The following LAMA5 variants were observed in gnomAD, a reference collection of about 807,000 sequenced individuals.
LAMA5 encodes laminin subunit alpha 5.
LAMA5 carries 260 observed loss-of-function variants against 433.4 expected under a neutral mutation model. The ratio of observed to expected loss-of-function variants is 0.60; its 90% confidence interval spans 0.54 to 0.66. The LOEUF is 0.66. Among genes scored for constraint, LAMA5 ranks in the 30% least tolerant of loss-of-function variants. LAMA5 has a pLI of 0.00. For missense variants in LAMA5, 5,378 were observed against 5,258.5 expected (o/e 1.02, Z -0.70); for synonymous variants, 2,620 against 2,226.6 (o/e 1.18, Z -4.97).
At chr20:62,334,429 C>T in intron 21 of LAMA5, 87 bp from the exon 22 acceptor site, 1 of 1,514,718 alleles carries the variant, frequency 6.6e-7, no homozygotes, top group Non-Finnish European at 8.9e-7. Context: ...GAGGGTGAGG[C>T]CTCACGTGGG....
intron 1 of LAMA5, among the ~76,000 whole-genome samples, chr20:62,365,370 C>T (rs755005755): frequency 2.0e-4 from 31 of 152,252 alleles, no homozygotes; most frequent in Non-Finnish European, 3.8e-4. Context: ...GGAAGCCACA[C>T]AGCTGAGGCA....
Position 62,310,007 on chromosome 20 carries a change from G to A in LAMA5, c.10809C>T (p.Gly3603=). 1.2e-6 allele frequency: 2 copies of A among 1,611,220 alleles called. No homozygotes were observed. The highest frequency in any genetic ancestry group is 1.7e-6 in the Non-Finnish European group (2 of 1,179,676). Residue 3603 remains glycine, a synonymous_variant, in exon 78 of 80, where the codon GGC becomes GGT. Transcript: ENST00000252999. ...CCTCACCCGCTAGCCGGTGCCACTG[G>A]CCATCACACAGCACTGAGGGGCGGG... ...SVTRPSVLCD[G]QWHRLAVMKS... is the part of the protein sequence containing the mutation.
intron 77 of LAMA5, 25 bp downstream of exon 77, chr20:62,310,153 G>A (rs1986066530): frequency 1.9e-6 from 3 of 1,612,004 alleles, no homozygotes; most frequent in Non-Finnish European, 2.5e-6. Context: ...ACCCTGCCCT[G>A]GCACGCCACC....
chr20:62,335,358 CCTCCAGGGCACACTCACAGG>C (rs1981383480), intron 18 of LAMA5, 89 bp from the exon 19 acceptor site: 1 of 1,340,022 alleles, frequency 7.5e-7, no homozygotes, highest in Admixed American at 1.9e-5. Flanking sequence ...CCTAACACCC[CCTCCAGGGCACACTCACAGG>C]CTCCAGCACC....
At chr20:62,366,849 C>G (rs1986786691) in intron 1 of LAMA5, 100 bp downstream of exon 1, 2 of 1,225,232 alleles carry the variant, frequency 1.6e-6, no homozygotes, top group Admixed American at 4.2e-5. Context: ...GAGTCCGCAC[C>G]TGGACTCGCC....
At chr20:62,331,599 C>T (rs1292288450) in intron 28 of LAMA5, among the ~76,000 whole-genome samples, 1 of 152,206 alleles carries the variant, frequency 6.6e-6, no homozygotes, top group East Asian at 1.9e-4. Context: ...CCCAGCTCTC[C>T]CAGGACCTGA....
rs200131801 is a variant in LAMA5 at position 62,330,842 on chromosome 20, C to A, written c.3753G>T (p.Ala1251=). The A allele has an allele frequency of 1.3e-6, 2 of 1,542,464 alleles. No individual in the cohort carries two copies. Among genetic ancestry groups the A allele is most frequent in the Non-Finnish European group, 1.7e-6 (2 of 1,143,800 alleles). Residue 1251 remains alanine, a synonymous_variant, in exon 30 of 80, where the codon GCG becomes GCT. Transcript: ENST00000252999. ...PLPPGLPLTH[A]QDLTPAMSPA... ...GGGACATGGCTGGAGTGAGATCCTG[C>A]GCGTGGGTCAGCGGGAGGCCGGGCG...
At chr20:62,319,857 G>A (rs867982653) in intron 50 of LAMA5, 62 bp from the exon 51 acceptor site, 2 of 1,357,300 alleles carry the variant, frequency 1.5e-6, no homozygotes, top group Non-Finnish European at 2.0e-6. Flanking sequence ...TGGCAAGGGA[G>A]GGCCTGGGGT....
Position 62,323,484 on chromosome 20 carries a change from G to A in LAMA5, c.6036C>T (p.Gly2012=). 1 of 1,548,984 alleles carries A rather than the reference G, an allele frequency of 6.5e-7. No individual in the cohort carries two copies. Among genetic ancestry groups the A allele is most frequent in the Non-Finnish European group, 8.7e-7 (1 of 1,148,408 alleles). The change falls in exon 45 of 80, where the codon GGC becomes GGT. Residue 2012 remains glycine (G), a synonymous_variant. Transcript: ENST00000252999. The part of the protein sequence containing the change: ...RCEICAPGFY[G]NALLPGNCTR... ...TGCAGTTGCCGGGCAGCAGGGCGTT[G>A]CCGTAGAAGCCGGGGGCACAGATCT...
chr20:62,330,996 G>A (rs766445409), intron 29 of LAMA5, 36 bp downstream of exon 29: 20 of 1,575,276 alleles, frequency 1.3e-5, no homozygotes, highest in African/African-American at 8.1e-5. Flanking sequence ...CCGGGCCCTC[G>A]GCCGCGCCCC....
In LAMA5 at chr20:62,316,941, C is replaced by A; in HGVS notation, c.7594G>T (p.Val2532Leu). 1.3e-6 allele frequency: 2 copies of A among 1,564,192 alleles called. No homozygotes were observed. Among genetic ancestry groups the A allele is most frequent in the Non-Finnish European group, 1.7e-6 (2 of 1,151,764 alleles). ...SNAYSRILQA[V>L]QAAEDAAGQA... is the part of the protein sequence containing the mutation. ...CCAGCAGCATCCTCGGCAGCCTGCA[C>A]GGCCTGCAGGATGCGGCTGTAGGCG... Residue 2532 changes from valine to leucine, a missense_variant, in exon 56 of 80, where the codon GTG (valine) becomes TTG (leucine). Transcript: ENST00000252999.
At position 62,335,274 on chromosome 20, in the gene LAMA5, G is replaced by A. The variant is rs759585866; in HGVS notation, c.2324-5C>T. 13 of 1,611,982 alleles carry A rather than the reference G, an allele frequency of 8.1e-6. No individual in the cohort carries two copies. The highest frequency in any genetic ancestry group is 1.1e-5 in the Non-Finnish European group (13 of 1,179,438). ...CCCTGAGGTCGCAGCTGCAGCCTGG[G>A]GAGAGCAGGGCAGGACTCAGATGCT... On this transcript the variant is annotated splice_polypyrimidine_tract_variant and splice_region_variant and intron_variant, in intron 18 of 79. Transcript: ENST00000252999.
intron 28 of LAMA5, among the ~76,000 whole-genome samples, chr20:62,331,913 G>A (rs1369369847): frequency 1.3e-5 from 2 of 152,130 alleles, no homozygotes; most frequent in South Asian, 4.1e-4. Flanking sequence ...TTAGCCAGGC[G>A]TGGTGGTGAG....
rs758254517 is a variant in LAMA5, at chr20:62,322,418, C to T, written c.6197G>A (p.Gly2066Asp). ...EGHFGFDGCG[G>D]CRPCACGPAA... ...CGGTCCACAAGCACACGGGCGGCAG[C>T]CCCCGCAGCCATCGAAACCAAAATG... The change falls in exon 47 of 80, where the codon GGC becomes GAC. Residue 2066 changes from glycine to aspartate, a missense_variant. Gly to Asp is a moderately conservative substitution (Grantham distance 94). Transcript: ENST00000252999. 12 of 1,592,428 alleles carry T rather than the reference C, an allele frequency of 7.5e-6. No individual in the cohort carries two copies. The highest frequency in any genetic ancestry group is 1.3e-5 in the African/African-American group (1 of 74,546).
chr20:62,337,414 G>A (rs558590591), intron 16 of LAMA5, among the ~76,000 whole-genome samples, 176 bp downstream of exon 16: 3 of 152,364 alleles, frequency 2.0e-5, no homozygotes, highest in Non-Finnish European at 4.4e-5. Flanking sequence ...CGGGCAGTAC[G>A]CGGACACCCC....
chr20:62,319,423 T>G (rs970143520), intron 51 of LAMA5, among the ~76,000 whole-genome samples: 5 of 152,002 alleles, frequency 3.3e-5, no homozygotes, highest in Non-Finnish European at 7.4e-5. Context: ...ACGGGATATC[T>G]GTGAGCGCGA....
chr20:62,315,188 G>A lies in LAMA5; in HGVS notation c.7887C>T (p.Ile2629=), dbSNP rs374150160. Residue 2629 remains isoleucine (I), a synonymous_variant, in exon 59 of 80, where the codon ATC becomes ATT. Transcript: ENST00000252999. ...AMDTDETSKK[I]AHAKAVAAEA... ...CAGCAGCCACAGCCTTGGCATGTGCGATCTTCTTGCTTGTCTCGTCTGTGG... is the reference window on the plus strand; with the variant it reads ...CAGCAGCCACAGCCTTGGCATGTGCAATCTTCTTGCTTGTCTCGTCTGTGG... 10 of 1,608,914 alleles carry A rather than the reference G, an allele frequency of 6.2e-6. No homozygotes were observed. The East Asian group carries it at 6.7e-5, about 11-fold the overall frequency.
intron 40 of LAMA5, 171 bp downstream of exon 40, chr20:62,326,506 A>G: frequency 1.7e-6 from 1 of 596,864 alleles, no homozygotes; most frequent in Non-Finnish European, 3.0e-6. Context: ...TGACCAGCAC[A>G]GAAGATATCT....
intron 11 of LAMA5, among the ~76,000 whole-genome samples, chr20:62,340,316 T>G (rs962112998): frequency 3.9e-4 from 57 of 144,540 alleles, no homozygotes; most frequent in African/African-American, 9.6e-4. Flanking sequence ...TTTTTTTTTT[T>G]TTTTTTTTTT....
Sources: allele counts gnomAD v4.1 joint callset (sites outside exome capture counted in the v4.1 genomes callset), GRCh38; gene constraint gnomAD v4.1.1; transcripts MANE v1.5; gene names NCBI Gene and HGNC (gene_info 2026-07-23, HGNC 2026-07-21).